Variants in KIF14 observed in about 807,000 individuals in gnomAD.
The protein encoded by KIF14 is kinesin family member 14, also known as kinesin-like protein KIF14.
A neutral mutation model predicts 176.2 loss-of-function variants in KIF14; 98 were observed. That is an observed-to-expected ratio of 0.56 (90% CI 0.47 to 0.66). KIF14 has a LOEUF of 0.66. Ranked by LOEUF, KIF14 falls within the 30% of genes least tolerant of loss-of-function variation. KIF14 has a pLI of 0.00. For synonymous variants in KIF14, 566 were observed against 632.2 expected (o/e 0.90, Z 1.57); for missense variants, 1,751 against 1,920.4 (o/e 0.91, Z 1.65).
intron 21 of KIF14, among the ~76,000 whole-genome samples, chr1:200,579,655 T>C (rs992403146): frequency 1.3e-4 from 20 of 151,974 alleles, no homozygotes; most frequent in African/African-American, 4.8e-4. Flanking sequence ...ACTGGTAACA[T>C]TGGTAAAATG....
intron 21 of KIF14, among the ~76,000 whole-genome samples, chr1:200,576,159 G>A (rs1007474729): frequency 6.6e-6 from 1 of 152,158 alleles, no homozygotes; most frequent in African/African-American, 2.4e-5. Flanking sequence ...AGAAAAATAA[G>A]TTAAAAACTG....
chr1:200,604,603 A>G (rs755756640), intron 8 of KIF14, among the ~76,000 whole-genome samples: 1 of 152,246 alleles, frequency 6.6e-6, no homozygotes, highest in Non-Finnish European at 1.5e-5. Context: ...ACATTTAAAA[A>G]TAATATAAAT....
At chr1:200,600,584 C>A in intron 11 of KIF14, 81 bp from the exon 12 acceptor site, 1 of 980,512 alleles carries the variant, frequency 1.0e-6, no homozygotes, top group South Asian at 1.5e-5. Context: ...CTCCAATCTT[C>A]TATTTCATTT....
At chr1:200,605,937 AT>A in intron 6 of KIF14, 43 bp from the exon 7 acceptor site, 3 of 1,152,626 alleles carry the variant, frequency 2.6e-6, no homozygotes, top group South Asian at 1.4e-5. Context: ...TTTACTGATG[AT>A]TATACTCTTG....
In KIF14 at chr1:200,598,222, A is replaced by G. The variant is rs778611267; in HGVS notation, c.2549+15T>C. ...GAACAGGTGCCTTTTCTTTTTTTTT[A>G]GAGGATTAACATACCAATGATCATC... On this transcript the variant is annotated intron_variant, in intron 14 of 29. Transcript: ENST00000367350. The G allele has an allele frequency of 6.3e-7, 1 of 1,590,050 alleles. No homozygotes were observed. Among genetic ancestry groups the G allele is most frequent in the South Asian group, 1.2e-5 (1 of 85,912 alleles).
intron 22 of KIF14, among the ~76,000 whole-genome samples, chr1:200,572,126 G>A (rs1054227626): frequency 1.3e-5 from 2 of 152,236 alleles, no homozygotes; most frequent in South Asian, 2.1e-4. Context: ...CGTATACAAG[G>A]TCTCAGACTA....
chr1:200,606,814 A>G lies in KIF14; in HGVS notation c.1555-16T>C. The G allele has an allele frequency of 6.3e-7, 1 of 1,597,506 alleles. No homozygotes were observed. Among genetic ancestry groups the G allele is most frequent in the Non-Finnish European group, 8.6e-7 (1 of 1,165,438 alleles). Reference sequence around the variant, plus strand: ...TCACTCTCAGCTAGAAGAAGCAAATACATGCATCATTAGGAGTATGACAAA... The same window carrying G: ...TCACTCTCAGCTAGAAGAAGCAAATGCATGCATCATTAGGAGTATGACAAA... On this transcript the variant is annotated splice_polypyrimidine_tract_variant and intron_variant, in intron 5 of 29. Transcript: ENST00000367350.
At chr1:200,604,064 A>ATGCTGGGATAAGCAACATCTTTGTGC in intron 8 of KIF14, 109 bp from the exon 9 acceptor site, 1 of 669,120 alleles carries the variant, frequency 1.5e-6, no homozygotes. Flanking sequence ...TTATTTTTTA[A>ATGCTGGGATAAGCAACATCTTTGTGC]ATAGTCTCTT....
intron 18 of KIF14, among the ~76,000 whole-genome samples, chr1:200,587,637 A>AC (rs1298182654): frequency 6.6e-6 from 1 of 152,090 alleles, no homozygotes; most frequent in African/African-American, 2.4e-5. Context: ...ACATGGTGAA[A>AC]CCCCGTCTCT....
chr1:200,572,394 G>T (rs969569401), intron 22 of KIF14, among the ~76,000 whole-genome samples: 71 of 152,268 alleles, frequency 4.7e-4, no homozygotes, highest in African/African-American at 1.6e-3. Flanking sequence ...GCCCAGGCTG[G>T]AGTGCAGTGG....
intron 19 of KIF14, among the ~76,000 whole-genome samples, chr1:200,585,239 C>CA (rs759023980): frequency 0.17 from 15,072 of 91,182 alleles, 882 homozygotes; most frequent in Middle Eastern, 0.2. Flanking sequence ...GTCCTCATGA[C>CA]AAAAAAAAAA....
chr1:200,562,070 T>C (rs1166909659), intron 25 of KIF14, among the ~76,000 whole-genome samples: 2 of 152,338 alleles, frequency 1.3e-5, no homozygotes, highest in African/African-American at 2.4e-5. Context: ...CTCTTCAAAA[T>C]ATTTCTCCTG....
At chr1:200,613,452 T>C (rs1249924608) in intron 4 of KIF14, among the ~76,000 whole-genome samples, 3 of 152,200 alleles carry the variant, frequency 2.0e-5, no homozygotes, top group African/African-American at 7.2e-5. Flanking sequence ...TATTAGAGCA[T>C]CTACTTTAGT....
At chr1:200,593,848 G>T (rs1161307774) in intron 14 of KIF14, 79 bp from the exon 15 acceptor site, 2 of 784,570 alleles carry the variant, frequency 2.5e-6, no homozygotes, top group African/African-American at 3.5e-5. Context: ...GGATAATTCT[G>T]CTTGGGCTAT....
At position 200,565,435 on chromosome 1, in the gene KIF14, G is replaced by C. The variant is rs748433947; in HGVS notation, c.3886+10C>G. 1.3e-6 allele frequency: 2 copies of C among 1,558,498 alleles called. No individual in the cohort carries two copies. The highest frequency in any genetic ancestry group is 1.7e-6 in the Non-Finnish European group (2 of 1,150,064). ...TTATGTGAGTTAACAAAAGCAGTGAGATTGCTTACAGTTATCTTGACTTTC... is the reference window on the plus strand; with the variant it reads ...TTATGTGAGTTAACAAAAGCAGTGACATTGCTTACAGTTATCTTGACTTTC... On this transcript the variant is annotated intron_variant, in intron 24 of 29. Coordinates refer to ENST00000367350, the MANE Select transcript of KIF14 (RefSeq NM_014875.3).
intron 23 of KIF14, among the ~76,000 whole-genome samples, chr1:200,566,054 T>C (rs1657430680): frequency 6.6e-6 from 1 of 152,198 alleles, no homozygotes. Context: ...CACTGATCAA[T>C]AAATTCAAAG....
At chr1:200,570,265 G>A (rs753881955) in intron 22 of KIF14, among the ~76,000 whole-genome samples, 1 of 152,134 alleles carries the variant, frequency 6.6e-6, no homozygotes, top group Non-Finnish European at 1.5e-5. Flanking sequence ...GTAAAATGTG[G>A]CAAACATGGT....
intron 9 of KIF14, 29 bp downstream of exon 9, chr1:200,603,810 A>T (rs774221907): frequency 7.4e-7 from 1 of 1,354,468 alleles, no homozygotes; most frequent in Non-Finnish European, 1.1e-6. Flanking sequence ...AATAAATTTC[A>T]TCAAAAGGAG....
rs188413820 is a variant in KIF14, at chr1:200,584,172, C to T, written c.3241+1929G>A. ...GGCGGAGGTTGCAGTAAGCTGAGAT[C>T]GTGCCACCATACTCCAGCCTGCCAA... On this transcript the variant is annotated intron_variant, in intron 19 of 29. Transcript: ENST00000367350. 3.6e-4 allele frequency among the ~76,000 whole-genome samples: 52 copies of T among 144,382 alleles called. No homozygotes were observed. The East Asian group carries it at 0.01, about 28-fold the overall frequency. The allele number at this position is 144,382 out of a possible 152,430, so 94.7% of individuals were successfully genotyped here. A position where few individuals can be genotyped will look rare whatever the true frequency, so the allele number is the denominator to read the frequency against.
Sources: allele counts gnomAD v4.1 joint callset (sites outside exome capture counted in the v4.1 genomes callset), GRCh38; gene constraint gnomAD v4.1.1; transcripts MANE v1.5; gene names NCBI Gene and HGNC (gene_info 2026-07-23, HGNC 2026-07-21).